The following PTPRT variants were observed in gnomAD, a reference collection of about 807,000 sequenced individuals.
The protein encoded by PTPRT is protein tyrosine phosphatase receptor type T.
Under a neutral mutation model 176.8 loss-of-function variants are expected in PTPRT, and 56 were observed. The observed-to-expected ratio is 0.32, with a 90% CI of 0.26 to 0.40. PTPRT has a LOEUF of 0.40. Among genes scored for constraint, PTPRT ranks in the 10% least tolerant of loss-of-function variants. PTPRT has a pLI of 1.00. For missense variants in PTPRT, 1,540 were observed against 1,908.2 expected, an observed-to-expected ratio of 0.81 and a Z score of 3.60; for synonymous variants, 783 against 739.0, an observed-to-expected ratio of 1.06 and a Z score of -0.96.
chr20:42,741,252 T>A (rs2076605406), intron 6 of PTPRT, among the ~76,000 whole-genome samples: 2 of 152,130 alleles, frequency 1.3e-5, no homozygotes, highest in African/African-American at 4.8e-5. Context: ...AATTTGGGAC[T>A]GGGTGAACTC....
rs142238396 is a variant in PTPRT at position 43,088,527 on chromosome 20, C to CACCATCA, written c.88+101112_88+101118dup. Among the ~76,000 whole-genome samples the CACCATCA allele has an allele frequency of 2.3e-3, 349 of 152,254 alleles. 1 individual carries two copies. Among genetic ancestry groups the CACCATCA allele is most frequent in the African/African-American group, 8.1e-3 (338 of 41,536 alleles). ...TGCTAGGAATGATTCAACTTCTAAACACCATCAGGAAAGTACAGACTCTGG... is the reference window on the plus strand; with the variant it reads ...TGCTAGGAATGATTCAACTTCTAAACACCATCAACCATCAGGAAAGTACAGACTCTGG... On this transcript the variant is annotated intron_variant, in intron 1 of 30. Coordinates refer to ENST00000373187, the MANE Select transcript of PTPRT (RefSeq NM_007050.6).
At chr20:42,274,699 T>C (rs1411456401) in intron 13 of PTPRT, among the ~76,000 whole-genome samples, 1 of 152,066 alleles carries the variant, frequency 6.6e-6, no homozygotes, top group Non-Finnish European at 1.5e-5. Flanking sequence ...GCTGCTGGGC[T>C]ACAGATGGCC....
At chr20:43,061,976 C>G (rs957306973) in intron 1 of PTPRT, among the ~76,000 whole-genome samples, 6 of 152,178 alleles carry the variant, frequency 3.9e-5, no homozygotes, top group African/African-American at 1.4e-4. Flanking sequence ...AAACATTACG[C>G]TGAGCAAAAG....
intron 15 of PTPRT, among the ~76,000 whole-genome samples, chr20:42,208,110 C>A (rs1021419124): frequency 1.6e-5 from 2 of 122,596 alleles, no homozygotes; most frequent in African/African-American, 7.3e-5. Flanking sequence ...TTTGTCACCA[C>A]CAGGCCTGCC....
chr20:42,888,841 A>G (rs2079145940), intron 1 of PTPRT, among the ~76,000 whole-genome samples: 1 of 152,234 alleles, frequency 6.6e-6, no homozygotes. Flanking sequence ...AATAGAGTGA[A>G]AGGTAAGCAT....
At chr20:42,092,064 A>G (rs564573168) in intron 27 of PTPRT, among the ~76,000 whole-genome samples, 41 of 152,332 alleles carry the variant, frequency 2.7e-4, no homozygotes, top group South Asian at 4.1e-4. Flanking sequence ...TAAGAAAGGA[A>G]CAACTTTTGG....
intron 16 of PTPRT, among the ~76,000 whole-genome samples, chr20:42,184,587 T>TCTTCTTCTTCTTCTTCTC (rs1990680596): frequency 7.0e-6 from 1 of 142,930 alleles, no homozygotes; most frequent in Non-Finnish European, 1.5e-5. Flanking sequence ...TTCTTCTTCT[T>TCTTCTTCTTCTTCTTCTC]CTTCTTCCTC....
chr20:42,757,523 C>T (rs971159131), intron 5 of PTPRT, among the ~76,000 whole-genome samples: 2 of 152,184 alleles, frequency 1.3e-5, no homozygotes, highest in Non-Finnish European at 2.9e-5. Flanking sequence ...GGGGACACTC[C>T]GTCTTCCGTA....
chr20:42,889,436 A>G (rs2079155496), intron 1 of PTPRT, among the ~76,000 whole-genome samples: 1 of 152,104 alleles, frequency 6.6e-6, no homozygotes, highest in African/African-American at 2.4e-5. Flanking sequence ...TTGAGCCACT[A>G]TTTCTTCAGA....
chr20:42,194,189 T>C (rs1991108919), intron 16 of PTPRT, among the ~76,000 whole-genome samples: 1 of 152,260 alleles, frequency 6.6e-6, no homozygotes, highest in Non-Finnish European at 1.5e-5. Context: ...TACCTCATTT[T>C]ATTCATCTTT....
chr20:42,664,883 C>T (rs1032592833), intron 7 of PTPRT, among the ~76,000 whole-genome samples: 19 of 152,224 alleles, frequency 1.2e-4, no homozygotes, highest in Non-Finnish European at 1.3e-4. Flanking sequence ...TTGGGAAAAC[C>T]GGGTAGCCAT....
At chr20:42,587,579 C>T (rs548621410) in intron 7 of PTPRT, among the ~76,000 whole-genome samples, 7 of 152,328 alleles carry the variant, frequency 4.6e-5, no homozygotes, top group South Asian at 2.1e-4. Flanking sequence ...CTCAGACTCA[C>T]GCTGAGTCAT....
chr20:42,106,171 C>T (rs185976263), intron 24 of PTPRT, among the ~76,000 whole-genome samples: 212 of 152,218 alleles, frequency 1.4e-3, no homozygotes, highest in Non-Finnish European at 2.2e-3. Context: ...GAAACAATAC[C>T]GTGACTAGAA....
chr20:42,247,527 C>T (rs918844765), intron 14 of PTPRT, among the ~76,000 whole-genome samples: 6 of 152,098 alleles, frequency 3.9e-5, no homozygotes, highest in African/African-American at 1.4e-4. Context: ...ATTTTTCATC[C>T]TATAGATGGA....
chr20:42,220,816 A>G (rs2055868825), intron 15 of PTPRT, among the ~76,000 whole-genome samples: 1 of 152,204 alleles, frequency 6.6e-6, no homozygotes, highest in South Asian at 2.1e-4. Context: ...AGCAGGACTC[A>G]AGAGGCCAAT....
At chr20:42,839,416 G>T (rs1393578361) in intron 2 of PTPRT, among the ~76,000 whole-genome samples, 1 of 151,918 alleles carries the variant, frequency 6.6e-6, no homozygotes, top group African/African-American at 2.4e-5. Flanking sequence ...CAGTTTTCAT[G>T]CATAATAAGA....
At chr20:42,531,156 C>T (rs1010092077) in intron 7 of PTPRT, among the ~76,000 whole-genome samples, 5 of 152,136 alleles carry the variant, frequency 3.3e-5, no homozygotes, top group Admixed American at 6.5e-5. Flanking sequence ...TACTGAAGTG[C>T]CAATGGTGGT....
chr20:42,965,717 T>C (rs1005591509), intron 1 of PTPRT, among the ~76,000 whole-genome samples: 2 of 152,136 alleles, frequency 1.3e-5, no homozygotes, highest in African/African-American at 4.8e-5. Flanking sequence ...CACACAAAGC[T>C]CACAGATGGA....
At chr20:42,520,967 C>T (rs1197080199) in intron 7 of PTPRT, among the ~76,000 whole-genome samples, 2 of 151,866 alleles carry the variant, frequency 1.3e-5, no homozygotes, top group Non-Finnish European at 2.9e-5. Context: ...CACCAACCTA[C>T]ATACATATGT....
Sources: allele counts gnomAD v4.1 joint callset (sites outside exome capture counted in the v4.1 genomes callset), GRCh38; gene constraint gnomAD v4.1.1; transcripts MANE v1.5; gene names NCBI Gene and HGNC (gene_info 2026-07-23, HGNC 2026-07-21).